ZNF517: variants seen among roughly 807,000 people sequenced by gnomAD.
The protein encoded by ZNF517 is zinc finger protein 517.
Under a neutral mutation model 12.1 loss-of-function variants are expected in ZNF517, and 12 were observed. That is an observed-to-expected ratio of 0.99 (90% CI 0.63 to 1.61). The LOEUF (loss-of-function observed/expected upper bound fraction) is 1.61, where lower values mean the gene tolerates loss of function less well. ZNF517 is among the 40% of genes most tolerant of loss of function. The probability of loss-of-function intolerance (pLI) is 0.00; values close to 1 mark genes in which losing one functional copy is unlikely to be tolerated. For synonymous variants in ZNF517, 388 were observed against 310.2 expected (o/e 1.25, Z -2.63); for missense variants, 781 against 693.2 (o/e 1.13, Z -1.42).
At chr8:144,800,730 C>T in intron 1 of ZNF517, 1 of 979,526 alleles carries the variant, frequency 1.0e-6, no homozygotes, top group Non-Finnish European at 1.2e-6. Flanking sequence ...ACGAATCTGT[C>T]TGATCCACCC....
At chr8:144,806,831 C>T in intron 4 of ZNF517, among the ~76,000 whole-genome samples, 1 of 152,152 alleles carries the variant, frequency 6.6e-6, no homozygotes, top group South Asian at 2.1e-4. Flanking sequence ...TCAAACCTCC[C>T]TACACGTCTA....
intron 1 of ZNF517, among the ~76,000 whole-genome samples, chr8:144,801,538 C>T (rs1483146190): frequency 4.6e-5 from 7 of 151,912 alleles, no homozygotes; most frequent in African/African-American, 7.3e-5. Context: ...AGTGCGGTGG[C>T]GCGATCTCAG....
chr8:144,803,160 C>T (rs140810383), intron 2 of ZNF517: 7 of 625,344 alleles, frequency 1.1e-5, no homozygotes, highest in Middle Eastern at 4.4e-4. Context: ...GGGCTTCCTG[C>T]GGCCTCCTCT....
Position 144,804,223 on chromosome 8 carries a change from G to C in ZNF517, c.259G>C (p.Ala87Pro). 1.9e-6 allele frequency: 3 copies of C among 1,613,686 alleles called. No individual in the cohort carries two copies. The highest frequency in any genetic ancestry group is 1.7e-4 in the Middle Eastern group (1 of 6,008). ...LQVAEQSVAK[A>P]SLCTDSRMEA... The stretch of plus-strand genomic sequence containing the variant: ...GGTGGCTGAACAGAGCGTGGCCAAA[G>C]CCAGCCTGTGCACAGGTGAGTACAA... The change falls in exon 4 of 5, where the codon GCC becomes CCC. Residue 87 changes from alanine (A) to proline (P), a missense_variant. Ala to Pro is a conservative substitution (Grantham distance 27, BLOSUM62 -1). Coordinates refer to ENST00000359971, the MANE Select transcript of ZNF517 (RefSeq NM_213605.3).
chr8:144,800,527 C>T (rs2954663), intron 1 of ZNF517: 46 of 985,228 alleles, frequency 4.7e-5, no homozygotes, highest in Non-Finnish European at 5.4e-5. Flanking sequence ...ATCAAGTCTT[C>T]TGGCAGCCTC....
intron 4 of ZNF517, among the ~76,000 whole-genome samples, chr8:144,805,325 G>C (rs1357100496): frequency 6.6e-6 from 1 of 152,198 alleles, no homozygotes; most frequent in African/African-American, 2.4e-5. Context: ...TTGTAGAACA[G>C]AGATTATTAT....
chr8:144,799,158 G>C (rs1382514375), intron 1 of ZNF517, among the ~76,000 whole-genome samples: 1 of 152,240 alleles, frequency 6.6e-6, no homozygotes, highest in East Asian at 1.9e-4. Flanking sequence ...GCGTGCGGCC[G>C]GGCCCCCGAG....
intron 4 of ZNF517, among the ~76,000 whole-genome samples, chr8:144,806,485 T>A (rs1277772630): frequency 6.6e-6 from 1 of 150,580 alleles, no homozygotes; most frequent in South Asian, 2.1e-4. Context: ...TTTATTTTTA[T>A]TTTTATTATT....
chr8:144,799,826 G>A (rs1237978526), intron 1 of ZNF517, among the ~76,000 whole-genome samples: 1 of 152,230 alleles, frequency 6.6e-6, no homozygotes, highest in East Asian at 1.9e-4. Context: ...TGTAGTCCCA[G>A]CTACTCGGGA....
At chr8:144,803,251 G>A (rs1827055050) in intron 2 of ZNF517, 1 of 496,018 alleles carries the variant, frequency 2.0e-6, no homozygotes, top group Non-Finnish European at 3.6e-6. Context: ...TGGTGTGAAT[G>A]GTCAGCCCAT....
chr8:144,808,009 G>C lies in ZNF517; in HGVS notation c.1093G>C (p.Asp365His), dbSNP rs779971173. 6.4e-7 allele frequency: 1 copy of C among 1,574,306 alleles called. No individual in the cohort carries two copies. Among genetic ancestry groups the C allele is most frequent in the South Asian group, 1.2e-5 (1 of 86,084 alleles). Residue 365 changes from aspartate (D) to histidine (H), a missense_variant, in exon 5 of 5, where the codon GAC becomes CAC. Asp to His is a moderately conservative substitution (Grantham distance 81, BLOSUM62 -1). Coordinates refer to ENST00000359971, the MANE Select transcript of ZNF517 (RefSeq NM_213605.3). Reference sequence around the variant, plus strand: ...AGCTGCGCAGAGGCCCCAGGCGGGGGACCCGCCCCACGAGTGCCCGGTGTG... The same window carrying C: ...AGCTGCGCAGAGGCCCCAGGCGGGGCACCCGCCCCACGAGTGCCCGGTGTG... ...LGAAQRPQAG[D>H]PPHECPVCGR...
downstream of ZNF517, among the ~76,000 whole-genome samples, chr8:144,812,055 A>C (rs1162061766): frequency 4.3e-4 from 55 of 128,612 alleles, no homozygotes; most frequent in African/African-American, 1.6e-3. Flanking sequence ...CAGACTGCAG[A>C]ATGGAAGCAA....
Position 144,808,010 on chromosome 8 carries a change from AC to A in ZNF517, c.1097del (p.Pro366ArgfsTer74). 1 of 1,572,944 alleles carries A rather than the reference AC, an allele frequency of 6.4e-7. No homozygotes were observed. Among genetic ancestry groups the A allele is most frequent in the South Asian group, 1.2e-5 (1 of 86,002 alleles). ...LGAAQRPQAG[D>X]PPHECPVCGR... The stretch of plus-strand genomic sequence containing the variant: ...GCTGCGCAGAGGCCCCAGGCGGGGG[AC>A]CCGCCCCACGAGTGCCCGGTGTGCG... On this transcript the variant is annotated frameshift_variant, in exon 5 of 5. Transcript: ENST00000359971. LOFTEE classifies it low-confidence loss of function (END_TRUNC).
downstream of ZNF517, chr8:144,810,230 C>T (rs1054860604): frequency 2.6e-5 from 18 of 681,394 alleles, no homozygotes; most frequent in Admixed American, 6.3e-5. Flanking sequence ...CTTGGCCCCA[C>T]GGGGAGCACC....
At chr8:144,803,042 C>T in intron 2 of ZNF517, 95 bp downstream of exon 2, 1 of 1,498,500 alleles carries the variant, frequency 6.7e-7, no homozygotes, top group South Asian at 1.2e-5. Flanking sequence ...TTGCCTCACA[C>T]CCACCCACAT....
Position 144,807,868 on chromosome 8 carries a change from C to A in ZNF517, c.952C>A (p.Arg318=), listed in dbSNP as rs748031806. ...GRIHSGERPY[R]CLRCGQRFIR... is the part of the protein sequence containing the mutation. ...CATCCACAGCGGGGAGCGGCCCTACCGGTGCCTGCGGTGTGGGCAGCGCTT... is the reference window on the plus strand; with the variant it reads ...CATCCACAGCGGGGAGCGGCCCTACAGGTGCCTGCGGTGTGGGCAGCGCTT... The change falls in exon 5 of 5, where the codon CGG becomes AGG. Residue 318 remains arginine (R), a synonymous_variant. Transcript: ENST00000359971. 2.5e-6 allele frequency: 4 copies of A among 1,569,714 alleles called. No individual in the cohort carries two copies. The highest frequency in any genetic ancestry group is 3.4e-6 in the Non-Finnish European group (4 of 1,159,654).
At position 144,808,305 on chromosome 8, in the gene ZNF517, G is replaced by T; in HGVS notation, c.1389G>T (p.Arg463=). Residue 463 remains arginine, a synonymous_variant, in exon 5 of 5, where the codon CGG becomes CGT. Coordinates refer to ENST00000359971, the MANE Select transcript of ZNF517 (RefSeq NM_213605.3). ...RCRACGRACS[R]LSTLIQHQKV... ...GCGCCTGCGGGAGGGCCTGCAGCCG[G>T]CTGTCCACCCTCATCCAGCACCAGA... The T allele has an allele frequency of 6.5e-7, 1 of 1,536,136 alleles. No homozygotes were observed.
At chr8:144,811,463 C>T (rs11989103), downstream of ZNF517, among the ~76,000 whole-genome samples, 170 of 85,880 alleles carry the variant, frequency 2.0e-3, no homozygotes, top group Non-Finnish European at 1.8e-3. Context: ...GGAGAGACAC[C>T]GACAGTAAAG....
In ZNF517 at chr8:144,804,107, T is replaced by C. The variant is rs1164688166; in HGVS notation, c.161-18T>C. ...CCCTCCTGTACTGATACGTGCTGCTTTCCTTCTCTGAGCTTAGGCTTTCTT... is the reference window on the plus strand; with the variant it reads ...CCCTCCTGTACTGATACGTGCTGCTCTCCTTCTCTGAGCTTAGGCTTTCTT... On this transcript the variant is annotated intron_variant, in intron 3 of 4. Coordinates refer to ENST00000359971, the MANE Select transcript of ZNF517 (RefSeq NM_213605.3). 1 of 1,612,498 alleles carries C rather than the reference T, an allele frequency of 6.2e-7. No homozygotes were observed. Among genetic ancestry groups the C allele is most frequent in the Non-Finnish European group, 8.5e-7 (1 of 1,178,728 alleles).
Sources: gnomAD v4.1 joint callset for allele counts (sites outside exome capture counted in the v4.1 genomes callset) on GRCh38, gnomAD v4.1.1 for gene constraint, MANE v1.5 for transcripts, NCBI Gene and HGNC (gene_info 2026-07-23, HGNC 2026-07-21) for gene names.